The following TENM3 variants were observed in gnomAD, a reference collection of about 807,000 sequenced individuals.
TENM3 encodes teneurin-3.
In TENM3, 63 loss-of-function variants were observed where a neutral mutation model predicts 255.1. The ratio of observed to expected loss-of-function variants is 0.25; its 90% CI spans 0.20 to 0.30. TENM3 has a LOEUF of 0.30. TENM3 is among the 10% of genes least tolerant of loss of function. The probability of loss-of-function intolerance (pLI) is 1.00; values close to 1 mark genes in which losing one functional copy is unlikely to be tolerated. For synonymous variants in TENM3, 1,306 were observed against 1,322.3 expected, an observed-to-expected ratio of 0.99 and a Z score of 0.27; for missense variants, 2,929 against 3,461.1, an observed-to-expected ratio of 0.85 and a Z score of 3.86.
At chr4:181,938,014 A>G in the TENM3 span, among the ~76,000 whole-genome samples, 3 of 152,194 alleles carry the variant, frequency 2.0e-5, no homozygotes, top group Non-Finnish European at 2.9e-5. Flanking sequence ...CAGCTGGGCC[A>G]CACAACAGTT....
At position 182,197,022 on chromosome 4, in the gene TENM3, C is replaced by G. The variant is rs539523800; in HGVS notation, c.-76+52268C>G. On this transcript the variant is annotated intron_variant, in intron 1 of 2. Transcript: ENST00000512480. ...TCTGCCATTGTTCACGTTTCCCATC[C>G]TCGGAGTTGCTGTTGCATTTCATGT... 2.6e-5 allele frequency among the ~76,000 whole-genome samples: 4 copies of G among 152,296 alleles called. No homozygotes were observed. In the East Asian group the frequency reaches 7.7e-4, roughly 29 times the overall value.
At chr4:182,575,126 A>G (rs1486955417) in intron 3 of TENM3, among the ~76,000 whole-genome samples, 1 of 152,190 alleles carries the variant, frequency 6.6e-6, no homozygotes, top group African/African-American at 2.4e-5. Context: ...CACACACACC[A>G]GGAATACAAG....
the TENM3 span, among the ~76,000 whole-genome samples, chr4:181,865,957 A>G: frequency 3.3e-5 from 5 of 152,220 alleles, no homozygotes; most frequent in African/African-American, 1.2e-4. Context: ...ATAAACCTGT[A>G]CAGAATACGA....
chr4:181,860,085 T>C, the TENM3 span, among the ~76,000 whole-genome samples: 5 of 152,204 alleles, frequency 3.3e-5, no homozygotes, highest in Non-Finnish European at 7.3e-5. Context: ...CCTTAGACTT[T>C]GCCCATATCA....
the TENM3 span, among the ~76,000 whole-genome samples, chr4:181,663,798 G>A: frequency 6.6e-6 from 1 of 152,178 alleles, no homozygotes; most frequent in Non-Finnish European, 1.5e-5. Flanking sequence ...GTTAGTGACT[G>A]ACAGCCCTTT....
chr4:181,515,612 A>G, the TENM3 span, among the ~76,000 whole-genome samples: 1 of 152,058 alleles, frequency 6.6e-6, no homozygotes, highest in South Asian at 2.1e-4. Flanking sequence ...GAGAGTTCGA[A>G]TTGTGTCTAG....
intron 24 of TENM3, among the ~76,000 whole-genome samples, chr4:182,787,697 T>C (rs984278294): frequency 7.3e-6 from 1 of 136,058 alleles, no homozygotes; most frequent in African/African-American, 2.8e-5. Context: ...ATCGCACCAC[T>C]GTACTCCAGC....
At chr4:182,031,004 T>C in the TENM3 span, among the ~76,000 whole-genome samples, 5 of 152,146 alleles carry the variant, frequency 3.3e-5, no homozygotes, top group Non-Finnish European at 5.9e-5. Context: ...TCTGTAGGTT[T>C]CCTCTTTGCT....
At chr4:181,520,725 G>A in the TENM3 span, among the ~76,000 whole-genome samples, 1,338 of 152,210 alleles carry the variant, frequency 8.8e-3, 23 homozygotes, top group African/African-American at 0.03. Context: ...TTCTCTTTCA[G>A]TATCTACCTA....
At chr4:182,252,804 G>A (rs927847883) in intron 1 of TENM3, among the ~76,000 whole-genome samples, 1 of 145,754 alleles carries the variant, frequency 6.9e-6, no homozygotes, top group Non-Finnish European at 1.5e-5. Context: ...GAGCTTCACC[G>A]TGTGTCTCAT....
At chr4:182,255,342 T>G (rs1758321260) in intron 1 of TENM3, among the ~76,000 whole-genome samples, 1 of 152,104 alleles carries the variant, frequency 6.6e-6, no homozygotes, top group Non-Finnish European at 1.5e-5. Flanking sequence ...ATGAGATCAT[T>G]AACTGTTTTA....
intron 1 of TENM3, among the ~76,000 whole-genome samples, chr4:182,295,261 C>CTTTTTTTTTTTTTTTT (rs752005972): frequency 2.8e-5 from 2 of 70,442 alleles, no homozygotes; most frequent in Non-Finnish European, 5.0e-5. Flanking sequence ...CTTTGCTTTT[C>CTTTTTTTTTTTTTTTT]TTTTTTTTTT....
intron 1 of TENM3, among the ~76,000 whole-genome samples, chr4:182,151,436 T>C (rs917860015): frequency 2.6e-5 from 4 of 152,126 alleles, no homozygotes; most frequent in Non-Finnish European, 5.9e-5. Flanking sequence ...TCAGAGAATT[T>C]GGAATTTGTC....
intron 3 of TENM3, among the ~76,000 whole-genome samples, chr4:182,520,480 A>T (rs1044042463): frequency 2.0e-5 from 3 of 152,156 alleles, no homozygotes; most frequent in African/African-American, 7.2e-5. Context: ...TTCAGAATAT[A>T]TATTAGTAAG....
chr4:181,516,584 C>T, the TENM3 span, among the ~76,000 whole-genome samples: 1 of 151,912 alleles, frequency 6.6e-6, no homozygotes, highest in African/African-American at 2.4e-5. Flanking sequence ...AGTTTGAGAC[C>T]AGCCTGACCA....
chr4:182,116,455 G>T, the TENM3 span, among the ~76,000 whole-genome samples: 1 of 152,098 alleles, frequency 6.6e-6, no homozygotes, highest in African/African-American at 2.4e-5. Flanking sequence ...CATGGGGGTG[G>T]TTCCCCCATG....
At chr4:182,516,262 A>T (rs558668325) in intron 3 of TENM3, among the ~76,000 whole-genome samples, 10 of 152,366 alleles carry the variant, frequency 6.6e-5, no homozygotes, top group Non-Finnish European at 1.3e-4. Context: ...AAATACCTGT[A>T]CTTCTATCTC....
intron 1 of TENM3, among the ~76,000 whole-genome samples, chr4:182,231,156 A>G (rs1756549672): frequency 6.6e-6 from 1 of 151,806 alleles, no homozygotes. Flanking sequence ...AATTCCAGAA[A>G]TGTTTTTCTG....
chr4:182,625,017 A>G (rs1195985691), intron 4 of TENM3, among the ~76,000 whole-genome samples: 2 of 152,230 alleles, frequency 1.3e-5, no homozygotes, highest in Non-Finnish European at 2.9e-5. Context: ...AAGGCTGAAA[A>G]TACAAATAGG....
Sources: gnomAD v4.1 joint callset for allele counts (sites outside exome capture counted in the v4.1 genomes callset) on GRCh38, gnomAD v4.1.1 for gene constraint, MANE v1.5 for transcripts, NCBI Gene and HGNC (gene_info 2026-07-23, HGNC 2026-07-21) for gene names.